Variants in ARFGAP3 observed in about 807,000 individuals in gnomAD.
ARFGAP3 encodes the protein ARF GTPase activating protein 3, also known as ADP-ribosylation factor GTPase-activating protein 3.
ARFGAP3 carries 72 observed loss-of-function variants against 75.0 expected under a neutral mutation model. The observed-to-expected ratio is 0.96, with a 90% CI of 0.79 to 1.17. The LOEUF is 1.17. Among genes scored for constraint, ARFGAP3 ranks in the 50% most tolerant of loss-of-function variants. The probability of loss-of-function intolerance (pLI) is 0.00; values close to 1 mark genes in which losing one functional copy is unlikely to be tolerated. For missense variants in ARFGAP3, 620 were observed against 626.6 expected (o/e 0.99, Z 0.11); for synonymous variants, 221 against 217.9 (o/e 1.01, Z -0.13).
chr22:42,806,695 C>T (rs1925138293), intron 14 of ARFGAP3, among the ~76,000 whole-genome samples: 2 of 152,246 alleles, frequency 1.3e-5, no homozygotes, highest in Admixed American at 1.3e-4. Context: ...AGGCTAAAGA[C>T]ACCATGACAT....
intron 9 of ARFGAP3, among the ~76,000 whole-genome samples, chr22:42,822,041 C>G (rs1925833634): frequency 6.6e-6 from 1 of 152,164 alleles, no homozygotes; most frequent in Non-Finnish European, 1.5e-5. Flanking sequence ...TCCCTTCTCA[C>G]TGATGTCACT....
chr22:42,846,713 A>C (rs1253633170), intron 2 of ARFGAP3, among the ~76,000 whole-genome samples: 1 of 152,224 alleles, frequency 6.6e-6, no homozygotes, highest in African/African-American at 2.4e-5. Flanking sequence ...ATACAAGGAG[A>C]GTGTCTCATC....
intron 1 of ARFGAP3, among the ~76,000 whole-genome samples, chr22:42,853,111 C>G (rs1338141574): frequency 6.6e-6 from 1 of 152,160 alleles, no homozygotes; most frequent in Non-Finnish European, 1.5e-5. Context: ...ATTCTGATTC[C>G]TTTTATCATG....
In ARFGAP3 at chr22:42,841,263, G is replaced by C. The variant is rs79708417; in HGVS notation, c.189-247C>G. On this transcript the variant is annotated intron_variant, in intron 2 of 15. Coordinates refer to ENST00000263245, the MANE Select transcript of ARFGAP3 (RefSeq NM_014570.5). ...GGGACATGACAAGTGTCAGCGGGCT[G>C]CTGGAACGACACCAACTCTTTGCCT... 906 of 202,122 alleles carry C rather than the reference G, an allele frequency of 4.5e-3. 2 individuals are homozygous for C. Among genetic ancestry groups the C allele is most frequent in the Non-Finnish European group, 6.7e-3 (762 of 113,636 alleles). 12.5% of individuals were successfully genotyped at this position (202,122 alleles called of 1,614,324 possible). A position where few individuals can be genotyped will look rare whatever the true frequency, so the allele number is the denominator to read the frequency against.
At chr22:42,843,102 C>T (rs1053322439) in intron 2 of ARFGAP3, among the ~76,000 whole-genome samples, 3 of 151,998 alleles carry the variant, frequency 2.0e-5, no homozygotes, top group Non-Finnish European at 4.4e-5. Context: ...CAACCACATC[C>T]CCGCTCCTGC....
chr22:42,823,310 C>T (rs1396818226), intron 8 of ARFGAP3, among the ~76,000 whole-genome samples: 1 of 152,042 alleles, frequency 6.6e-6, no homozygotes, highest in African/African-American at 2.4e-5. Context: ...CGCAATGCTT[C>T]GCTGTATCTG....
Position 42,808,941 on chromosome 22 carries a change from A to T in ARFGAP3, c.1197-51T>A, listed in dbSNP as rs748945969. ...GTTAAACTAATTTGAGGTGAAGCAA[A>T]TGTGTTTCATACTCATTTTATTTTT... On this transcript the variant is annotated intron_variant, in intron 12 of 15. Transcript: ENST00000263245. 5 of 1,488,114 alleles carry T rather than the reference A, an allele frequency of 3.4e-6. No individual in the cohort carries two copies. The African/African-American group carries it at 7.0e-5, about 21-fold the overall frequency. 92.2% of individuals were successfully genotyped at this position (1,488,114 alleles called of 1,614,324 possible).
At chr22:42,818,533 T>C (rs1408260506) in intron 9 of ARFGAP3, among the ~76,000 whole-genome samples, 1 of 152,164 alleles carries the variant, frequency 6.6e-6, no homozygotes, top group African/African-American at 2.4e-5. Context: ...TACAAAACAT[T>C]GTCCTTGCTC....
At chr22:42,797,942 A>G (rs1045007389) in intron 15 of ARFGAP3, among the ~76,000 whole-genome samples, 1 of 152,222 alleles carries the variant, frequency 6.6e-6, no homozygotes, top group African/African-American at 2.4e-5. Flanking sequence ...CAAGTGGGAA[A>G]CGGAAGACAA....
In ARFGAP3 at chr22:42,839,119, A is replaced by AAG. The variant is rs1555899143; in HGVS notation, c.261+1824_261+1825insCT. 2.6e-4 allele frequency among the ~76,000 whole-genome samples: 31 copies of AAG among 119,898 alleles called. No homozygotes were observed. The East Asian group carries it at 4.9e-3, about 19-fold the overall frequency. The allele number at this position is 119,898 out of a possible 152,430, so 78.7% of individuals were successfully genotyped here. On this transcript the variant is annotated intron_variant, in intron 3 of 15. Transcript: ENST00000263245. ...AGCAAGATTCCGTCTCAAAAAAAAA[A>AAG]AAAGAAAAAAAAAAAAAAAGAAAAT...
intron 7 of ARFGAP3, among the ~76,000 whole-genome samples, chr22:42,824,483 A>T (rs1925953295): frequency 6.6e-6 from 1 of 150,574 alleles, no homozygotes; most frequent in Admixed American, 6.6e-5. Flanking sequence ...CAGCCTCCCT[A>T]GTAGCTGGGA....
chr22:42,818,684 A>G (rs1164882312), intron 9 of ARFGAP3, among the ~76,000 whole-genome samples: 1 of 151,744 alleles, frequency 6.6e-6, no homozygotes, highest in Non-Finnish European at 1.5e-5. Flanking sequence ...TCTAACTTAC[A>G]AGGATTTCTA....
chr22:42,838,294 T>A (rs866022709), intron 3 of ARFGAP3, among the ~76,000 whole-genome samples: 9 of 126,448 alleles, frequency 7.1e-5, no homozygotes, highest in South Asian at 5.2e-4. Flanking sequence ...ATATATATTT[T>A]TTTTTTCTTT....
At position 42,853,195 on chromosome 22, in the gene ARFGAP3, G is replaced by A. The variant is rs186237043; in HGVS notation, c.69+3919C>T. On this transcript the variant is annotated intron_variant, in intron 1 of 15. Coordinates refer to ENST00000263245, the MANE Select transcript of ARFGAP3 (RefSeq NM_014570.5). ...TTTCTTTCTGATTCAGTTTAAAAAT[G>A]ACAATAGCATTCGTTGTGCCCAAGT... Among the ~76,000 whole-genome samples the A allele has an allele frequency of 2.7e-4, 41 of 152,288 alleles. 1 individual carries two copies. The highest frequency in any genetic ancestry group is 9.1e-4 in the African/African-American group (38 of 41,558).
At chr22:42,847,694 A>G in intron 1 of ARFGAP3, 62 bp from the exon 2 acceptor site, 1 of 1,572,708 alleles carries the variant, frequency 6.4e-7, no homozygotes, top group Non-Finnish European at 8.7e-7. Flanking sequence ...ATCCTGTAAG[A>G]TACAGTAAAT....
intron 11 of ARFGAP3, among the ~76,000 whole-genome samples, chr22:42,811,621 T>C (rs1303833441): frequency 6.6e-6 from 1 of 152,212 alleles, no homozygotes; most frequent in Non-Finnish European, 1.5e-5. Context: ...CACTGGACCA[T>C]TCTGGGGATA....
chr22:42,831,430 G>T, intron 6 of ARFGAP3, 119 bp downstream of exon 6: 1 of 983,932 alleles, frequency 1.0e-6, no homozygotes, highest in Non-Finnish European at 1.5e-6. Context: ...CCTCAGCCTC[G>T]CAAAGTGCTG....
intron 1 of ARFGAP3, among the ~76,000 whole-genome samples, chr22:42,854,381 T>C (rs1162698673): frequency 1.3e-5 from 2 of 152,106 alleles, no homozygotes; most frequent in African/African-American, 4.8e-5. Flanking sequence ...TCACAGCACT[T>C]TGGGAGGCTG....
At chr22:42,850,571 CAAA>C (rs57841993) in intron 1 of ARFGAP3, among the ~76,000 whole-genome samples, 34 of 57,582 alleles carry the variant, frequency 5.9e-4, no homozygotes, top group African/African-American at 1.9e-3. Context: ...ACCCTGCTAT[CAAA>C]AAAAAAAAAA....
Sources: gnomAD v4.1 joint callset for allele counts (sites outside exome capture counted in the v4.1 genomes callset) on GRCh38, gnomAD v4.1.1 for gene constraint, MANE v1.5 for transcripts, NCBI Gene and HGNC (gene_info 2026-07-23, HGNC 2026-07-21) for gene names.